The following MALRD1 variants were observed in gnomAD, a reference collection of about 807,000 sequenced individuals.
MALRD1 encodes the protein MAM and LDL-receptor class A domain-containing protein 1.
A neutral mutation model predicts 242.1 loss-of-function variants in MALRD1; 247 were observed. The observed-to-expected ratio is 1.02, with a 90% CI of 0.92 to 1.13. The LOEUF (loss-of-function observed/expected upper bound fraction) is 1.13, where lower values mean the gene tolerates loss of function less well. Among genes scored for constraint, MALRD1 ranks in the 50% most tolerant of loss-of-function variants. The pLI is 0.00. For synonymous variants in MALRD1, 995 were observed against 866.6 expected (o/e 1.15, Z -2.60); for missense variants, 2,989 against 2,533.1 (o/e 1.18, Z -3.86).
chr10:19,075,578 A>T (rs1835292162), intron 2 of MALRD1, among the ~76,000 whole-genome samples: 1 of 152,046 alleles, frequency 6.6e-6, no homozygotes, highest in Non-Finnish European at 1.5e-5. Context: ...AGACGCAGGG[A>T]TCTCAGTCTT....
At chr10:19,284,115 G>A (rs577346495) in intron 21 of MALRD1, among the ~76,000 whole-genome samples, 3 of 152,316 alleles carry the variant, frequency 2.0e-5, no homozygotes, top group East Asian at 1.9e-4. Flanking sequence ...GATAAGAAGA[G>A]CAGACTACAT....
intron 29 of MALRD1, among the ~76,000 whole-genome samples, chr10:19,461,802 C>G (rs944614500): frequency 6.6e-6 from 1 of 152,156 alleles, no homozygotes; most frequent in African/African-American, 2.4e-5. Flanking sequence ...CATGATCTCA[C>G]CACTGCACCC....
At chr10:19,315,587 A>T (rs868041190) in intron 21 of MALRD1, among the ~76,000 whole-genome samples, 22 of 65,344 alleles carry the variant, frequency 3.4e-4, no homozygotes, top group African/African-American at 7.5e-4. Context: ...ATTATAAATT[A>T]TAAATATTTA....
chr10:19,494,083 G>A (rs1837611482), intron 30 of MALRD1, among the ~76,000 whole-genome samples: 1 of 151,260 alleles, frequency 6.6e-6, no homozygotes, highest in Admixed American at 6.6e-5. Context: ...AAATATAGAG[G>A]AGCCACATGA....
At chr10:19,154,470 A>G (rs1834058343) in intron 11 of MALRD1, among the ~76,000 whole-genome samples, 1 of 152,190 alleles carries the variant, frequency 6.6e-6, no homozygotes, top group Non-Finnish European at 1.5e-5. Flanking sequence ...CAGTGAAACT[A>G]CCCCAGACAG....
intron 4 of MALRD1, among the ~76,000 whole-genome samples, chr10:19,101,841 C>T (rs934209578): frequency 1.7e-3 from 232 of 135,278 alleles, no homozygotes; most frequent in Non-Finnish European, 2.8e-3. Context: ...TATATCTCTA[C>T]TTGGAGATAT....
At chr10:19,311,207 T>C (rs887400717) in intron 21 of MALRD1, among the ~76,000 whole-genome samples, 3 of 151,464 alleles carry the variant, frequency 2.0e-5, no homozygotes, top group African/African-American at 7.3e-5. Flanking sequence ...TATTCCCTTA[T>C]GAGTTATATT....
chr10:19,497,097 G>A (rs546273269), intron 30 of MALRD1, among the ~76,000 whole-genome samples: 1 of 152,160 alleles, frequency 6.6e-6, no homozygotes, highest in Admixed American at 6.5e-5. Flanking sequence ...AAAGGATGCG[G>A]AATAAATATT....
intron 28 of MALRD1, among the ~76,000 whole-genome samples, chr10:19,430,563 T>C (rs1263572977): frequency 6.6e-6 from 1 of 152,154 alleles, no homozygotes; most frequent in Non-Finnish European, 1.5e-5. Flanking sequence ...CTTTTTGCTA[T>C]AATATAATAA....
At chr10:19,219,117 C>A (rs771200922) in intron 18 of MALRD1, among the ~76,000 whole-genome samples, 2 of 151,896 alleles carry the variant, frequency 1.3e-5, no homozygotes, top group African/African-American at 4.8e-5. Flanking sequence ...TTTTTTCCCA[C>A]GTTTTCTAAA....
chr10:19,313,104 G>C (rs942773777), intron 21 of MALRD1, among the ~76,000 whole-genome samples: 1 of 151,340 alleles, frequency 6.6e-6, no homozygotes, highest in Non-Finnish European at 1.5e-5. Context: ...CAAATCAGGT[G>C]CTACACTAAG....
rs1479904018 is a variant in MALRD1 at position 19,450,420 on chromosome 10, A to G, written c.4959A>G (p.Gln1653=). The G allele has an allele frequency of 2.4e-5, 37 of 1,550,656 alleles. No individual in the cohort carries two copies. Among genetic ancestry groups the G allele is most frequent in the Non-Finnish European group, 3.0e-5 (34 of 1,146,970 alleles). ...TAAGGAATTTTGAAGTCATATTTCA[A>G]GGTATCAGAACAAGGGACCTGGGAG... ...GKLRNFEVIF[Q]GIRTRDLGGG... The change falls in exon 29 of 40, where the codon CAA becomes CAG. Residue 1653 remains glutamine, a synonymous_variant. Coordinates refer to ENST00000454679, the MANE Select transcript of MALRD1 (RefSeq NM_001142308.3).
intron 32 of MALRD1, among the ~76,000 whole-genome samples, chr10:19,535,391 T>C (rs1324002491): frequency 1.3e-5 from 2 of 152,044 alleles, no homozygotes; most frequent in Middle Eastern, 3.4e-3. Context: ...TGTGTACTAG[T>C]ATGCAATTTT....
At chr10:19,341,740 G>C (rs548663574) in intron 24 of MALRD1, among the ~76,000 whole-genome samples, 2 of 151,926 alleles carry the variant, frequency 1.3e-5, no homozygotes, top group African/African-American at 4.8e-5. Flanking sequence ...AATGAAAAAT[G>C]ATGAATCAAG....
intron 4 of MALRD1, among the ~76,000 whole-genome samples, chr10:19,088,433 C>G (rs987157338): frequency 2.0e-5 from 3 of 151,548 alleles, no homozygotes; most frequent in African/African-American, 7.3e-5. Flanking sequence ...TTAAGGCATA[C>G]TAATATATCA....
chr10:19,376,825 C>T (rs533981962), intron 26 of MALRD1, among the ~76,000 whole-genome samples: 52 of 152,020 alleles, frequency 3.4e-4, no homozygotes, highest in African/African-American at 1.1e-3. Context: ...ATGATCTGAC[C>T]ACCTCGGCCT....
chr10:19,083,781 G>C (rs1350072851), intron 2 of MALRD1, among the ~76,000 whole-genome samples: 1 of 151,896 alleles, frequency 6.6e-6, no homozygotes, highest in Non-Finnish European at 1.5e-5. Flanking sequence ...AATGAGACTA[G>C]GGCAAGTTAA....
chr10:19,711,559 T>C (rs1325224644), intron 38 of MALRD1, among the ~76,000 whole-genome samples: 1 of 151,892 alleles, frequency 6.6e-6, no homozygotes, highest in Non-Finnish European at 1.5e-5. Context: ...GTAATGATAA[T>C]ATGGAAGGTT....
intron 31 of MALRD1, among the ~76,000 whole-genome samples, chr10:19,512,040 G>A (rs1459662872): frequency 6.6e-6 from 1 of 151,964 alleles, no homozygotes; most frequent in African/African-American, 2.4e-5. Context: ...AGGGAGCCAA[G>A]ACTGAAGGTT....
Sources: allele counts gnomAD v4.1 joint callset (sites outside exome capture counted in the v4.1 genomes callset), GRCh38; gene constraint gnomAD v4.1.1; transcripts MANE v1.5; gene names NCBI Gene and HGNC (gene_info 2026-07-23, HGNC 2026-07-21).